Variants in PPP5C observed in about 807,000 individuals in gnomAD.
PPP5C encodes protein phosphatase 5 catalytic subunit.
PPP5C carries 21 observed loss-of-function variants against 66.7 expected under a neutral mutation model. The observed-to-expected ratio is 0.31, with a 90% CI of 0.22 to 0.45. The LOEUF is 0.45. PPP5C is among the 20% of genes least tolerant of loss of function. PPP5C has a pLI of 1.00. For synonymous variants in PPP5C, 246 were observed against 257.4 expected, an observed-to-expected ratio of 0.96 and a Z score of 0.43; for missense variants, 464 against 675.9, an observed-to-expected ratio of 0.69 and a Z score of 3.48.
At chr19:46,363,016 T>G (rs1972419134) in intron 2 of PPP5C, among the ~76,000 whole-genome samples, 1 of 151,214 alleles carries the variant, frequency 6.6e-6, no homozygotes, top group Non-Finnish European at 1.5e-5. Flanking sequence ...CTCGATCTCC[T>G]GACCTCGTGA....
chr19:46,389,388 CA>C lies in PPP5C; in HGVS notation c.1355+658del. Among the ~76,000 whole-genome samples, 2 of 7,432 alleles carry C rather than the reference CA, an allele frequency of 2.7e-4. 1 individual carries two copies. Among genetic ancestry groups the C allele is most frequent in the African/African-American group, 6.7e-4 (2 of 3,000 alleles). 4.9% of individuals were successfully genotyped at this position (7,432 alleles called of 152,430 possible). A position where few individuals can be genotyped will look rare whatever the true frequency, so the allele number is the denominator to read the frequency against. On this transcript the variant is annotated intron_variant, in intron 11 of 12. Coordinates refer to ENST00000012443, the MANE Select transcript of PPP5C (RefSeq NM_006247.4). ...ACACACACACACACACACACACACA[CA>C]CACACACACACACACACACACACAC...
chr19:46,390,677 T>G lies in PPP5C; in HGVS notation c.*331T>G, dbSNP rs565833531. The G allele has an allele frequency of 1.7e-4, 206 of 1,229,230 alleles. No homozygotes were observed. The highest frequency in any genetic ancestry group is 3.8e-4 in the Admixed American group (11 of 28,628). 76.1% of individuals were successfully genotyped at this position (1,229,230 alleles called of 1,614,324 possible). On this transcript the variant is annotated 3_prime_UTR_variant, in exon 13 of 13. Transcript: ENST00000012443. ...CTCATTTGCATGGCTCCTCCCCCACTCAAGCAATAGGGCCCCGCCATAGGA... is the reference window on the plus strand; with the variant it reads ...CTCATTTGCATGGCTCCTCCCCCACGCAAGCAATAGGGCCCCGCCATAGGA...
In PPP5C at chr19:46,387,422, A is replaced by G. The variant is rs201132340; in HGVS notation, c.1104A>G (p.Lys368=). The G allele has an allele frequency of 1.5e-4, 241 of 1,613,446 alleles. 3 individuals are homozygous for G. In the South Asian group the frequency reaches 2.5e-3, roughly 17 times the overall value. ...EDGVTLDDIR[K]IERNRQPPDS... is the part of the protein sequence containing the mutation. ...GTGTCACCCTGGATGACATCCGGAAAATTGAGCGGAATCGACAACCCCCAG... is the reference window on the plus strand; with the variant it reads ...GTGTCACCCTGGATGACATCCGGAAGATTGAGCGGAATCGACAACCCCCAG... Residue 368 remains lysine (K), a synonymous_variant, in exon 9 of 13, where the codon AAA becomes AAG. Transcript: ENST00000012443.
rs376664679 is a variant in PPP5C, at chr19:46,383,381, C to T, written c.634-30C>T. The stretch of plus-strand genomic sequence containing the variant: ...CAGGTTGGGCAGCAGCCCCTGCAGC[C>T]GGTCCCACTGAGTCTGCCCTGCCTT... On this transcript the variant is annotated intron_variant, in intron 4 of 12. Coordinates refer to ENST00000012443, the MANE Select transcript of PPP5C (RefSeq NM_006247.4). This position sits in a 1 kb window ranked among gnomAD's most constrained non-coding sequence, Gnocchi z 5.0. The T allele has an allele frequency of 5.0e-5, 80 of 1,603,594 alleles. 1 individual carries two copies. Among genetic ancestry groups the T allele is most frequent in the Non-Finnish European group, 6.3e-5 (74 of 1,175,408 alleles).
chr19:46,350,695 G>A, intron 1 of PPP5C, among the ~76,000 whole-genome samples: 1 of 152,204 alleles, frequency 6.6e-6, no homozygotes, highest in East Asian at 1.9e-4. Context: ...CCCGGGGGCT[G>A]GGAGATGGCT....
At chr19:46,377,602 G>A (rs1028555579) in intron 4 of PPP5C, among the ~76,000 whole-genome samples, 1 of 152,202 alleles carries the variant, frequency 6.6e-6, no homozygotes, top group Non-Finnish European at 1.5e-5. Context: ...GCCCAAACAA[G>A]TTACAGAACA....
intron 2 of PPP5C, among the ~76,000 whole-genome samples, chr19:46,369,085 A>G (rs1279280190): frequency 6.6e-6 from 1 of 152,232 alleles, no homozygotes; most frequent in Non-Finnish European, 1.5e-5. Context: ...ACCCTCTCAT[A>G]TATATCCACA....
chr19:46,371,031 C>T (rs1440819502), intron 2 of PPP5C, among the ~76,000 whole-genome samples: 2 of 152,108 alleles, frequency 1.3e-5, no homozygotes, highest in Non-Finnish European at 2.9e-5. Flanking sequence ...TGAGCCACCA[C>T]GTCCAGCCTG....
chr19:46,373,349 C>A (rs1184637579), intron 2 of PPP5C, among the ~76,000 whole-genome samples: 2 of 152,222 alleles, frequency 1.3e-5, no homozygotes, highest in Non-Finnish European at 2.9e-5. Context: ...GACTTCACCT[C>A]CCCGGGCCTT....
rs1264469452 is a variant in PPP5C at position 46,375,671 on chromosome 19, A to G, written c.431A>G (p.Lys144Arg). 1.2e-6 allele frequency: 2 copies of G among 1,613,982 alleles called. No individual in the cohort carries two copies. The highest frequency in any genetic ancestry group is 1.7e-6 in the Non-Finnish European group (2 of 1,179,902). Residue 144 changes from lysine to arginine, a missense_variant, in exon 3 of 13, where the codon AAG becomes AGG. Lys to Arg is a conservative substitution (Grantham distance 26). Around this residue, in one of 2 missense-constraint regions of PPP5C, gnomAD observed 387 missense variants for 626.0 expected, o/e 0.62. Transcript: ENST00000012443. ...MKYQECNKIV[K>R]QKAFERAIAG... ...TACCAGGAGTGCAACAAGATCGTGAAGCAGAAGGCCTTTGAGCGGGCCATC... is the reference window on the plus strand; with the variant it reads ...TACCAGGAGTGCAACAAGATCGTGAGGCAGAAGGCCTTTGAGCGGGCCATC...
rs1429953357 is a variant in PPP5C, at chr19:46,379,030, C to T, written c.633+2456C>T. Among the ~76,000 whole-genome samples the T allele has an allele frequency of 3.9e-5, 6 of 151,906 alleles. No individual in the cohort carries two copies. In the East Asian group the frequency reaches 7.7e-4, roughly 20 times the overall value. ...TCCAGAGTAGCTAGGATTACAGGCACACGCCACTATACCCAACTAATTTTT... is the reference window on the plus strand; with the variant it reads ...TCCAGAGTAGCTAGGATTACAGGCATACGCCACTATACCCAACTAATTTTT... On this transcript the variant is annotated intron_variant, in intron 4 of 12. Transcript: ENST00000012443.
At position 46,373,103 on chromosome 19, in the gene PPP5C, CCTGGCAGG is replaced by C. The variant is rs1300719498; in HGVS notation, c.364-2499_364-2492del. Among the ~76,000 whole-genome samples, 66 of 152,358 alleles carry C rather than the reference CCTGGCAGG, an allele frequency of 4.3e-4. 1 individual carries two copies. The East Asian group carries it at 8.3e-3, about 19-fold the overall frequency. ...AGGCTTGAGATGTGAGGCCGCCTGTCCTGGCAGGCCTGGATTCAGACCCAGGAGGCCTA... is the reference window on the plus strand; with the variant it reads ...AGGCTTGAGATGTGAGGCCGCCTGTCCCTGGATTCAGACCCAGGAGGCCTA... On this transcript the variant is annotated intron_variant, in intron 2 of 12. Transcript: ENST00000012443.
chr19:46,372,637 A>T (rs188042454), intron 2 of PPP5C, among the ~76,000 whole-genome samples: 309 of 152,342 alleles, frequency 2.0e-3, no homozygotes, highest in African/African-American at 7.1e-3. Flanking sequence ...ATCATTACCC[A>T]TGAGTACTCG....
At chr19:46,352,819 C>CAA (rs5828273) in intron 1 of PPP5C, among the ~76,000 whole-genome samples, 7 of 127,528 alleles carry the variant, frequency 5.5e-5, no homozygotes, top group African/African-American at 1.7e-4. Context: ...GACTCCATCT[C>CAA]AAAAAAAAAA....
chr19:46,381,100 T>A (rs1452703624), intron 4 of PPP5C, among the ~76,000 whole-genome samples: 1 of 152,264 alleles, frequency 6.6e-6, no homozygotes, highest in Non-Finnish European at 1.5e-5. Context: ...TAATTTCAGT[T>A]GTCCTTATGT....
chr19:46,351,481 G>A (rs374389495), intron 1 of PPP5C, among the ~76,000 whole-genome samples: 21 of 152,176 alleles, frequency 1.4e-4, no homozygotes, highest in African/African-American at 3.4e-4. Flanking sequence ...AAATCCTCAC[G>A]GCCACCCAGT....
chr19:46,388,672 G>A lies in PPP5C; in HGVS notation c.1296G>A (p.Glu432=). The A allele has an allele frequency of 1.9e-6, 3 of 1,614,198 alleles. No homozygotes were observed. Among genetic ancestry groups the A allele is most frequent in the Non-Finnish European group, 2.5e-6 (3 of 1,180,030 alleles). ...TCCGCAGCCACGAAGTCAAGGCCGA[G>A]GGCTACGAGGTGGCTCACGGAGGCC... ...YIIRSHEVKA[E]GYEVAHGGRC... The change falls in exon 11 of 13, where the codon GAG becomes GAA. Residue 432 remains glutamate, a synonymous_variant. Coordinates refer to ENST00000012443, the MANE Select transcript of PPP5C (RefSeq NM_006247.4). The surrounding 1 kb of genome is among the most constrained non-coding windows in gnomAD (Gnocchi z 4.9).
intron 1 of PPP5C, among the ~76,000 whole-genome samples, chr19:46,347,938 A>G (rs1601405967): frequency 1.4e-5 from 2 of 144,972 alleles, no homozygotes; most frequent in Non-Finnish European, 1.5e-5. Flanking sequence ...TGAACCAGAC[A>G]TGAAAAAAAA....
intron 2 of PPP5C, among the ~76,000 whole-genome samples, chr19:46,361,625 C>T (rs1972393341): frequency 7.0e-6 from 1 of 143,306 alleles, no homozygotes; most frequent in African/African-American, 2.6e-5. Flanking sequence ...ATTAGCCGGG[C>T]TTGGTGGCAT....
Sources: allele counts gnomAD v4.1 joint callset (sites outside exome capture counted in the v4.1 genomes callset), GRCh38; gene constraint gnomAD v4.1.1; regional missense constraint gnomAD v4.1.1; non-coding constraint Gnocchi (gnomAD v3.1); transcripts MANE v1.5; gene names NCBI Gene and HGNC (gene_info 2026-07-23, HGNC 2026-07-21).